The following LRRFIP1 variants were observed in gnomAD, a reference collection of about 807,000 sequenced individuals.
LRRFIP1 encodes the protein leucine-rich repeat flightless-interacting protein 1.
A neutral mutation model predicts 104.4 loss-of-function variants in LRRFIP1; 62 were observed. That is an observed-to-expected ratio of 0.59 (90% confidence interval 0.48 to 0.73). The LOEUF (loss-of-function observed/expected upper bound fraction) is 0.73. Among genes scored for constraint, LRRFIP1 ranks in the 30% least tolerant of loss-of-function variants. The pLI is 0.00. For missense variants in LRRFIP1, 796 were observed against 824.5 expected, an observed-to-expected ratio of 0.97 and a Z score of 0.42; for synonymous variants, 300 against 299.0, an observed-to-expected ratio of 1.00 and a Z score of -0.03.
Position 237,717,911 on chromosome 2 carries a change from T to C in LRRFIP1, c.249+102T>C. On this transcript the variant is annotated intron_variant, in intron 4 of 23. Transcript: ENST00000308482. This position sits in a 1 kb window ranked among gnomAD's most constrained non-coding sequence, Gnocchi z 4.2. ...ATGTAATTCTTACGCAGTTTAACTA[T>C]GTAGATAGATTCCTATTGCACCATA... The C allele has an allele frequency of 2.2e-6, 2 of 906,612 alleles. No individual in the cohort carries two copies. Among genetic ancestry groups the C allele is most frequent in the Admixed American group, 1.7e-5 (1 of 58,290 alleles). The allele number at this position is 906,612 out of a possible 1,614,324, so 56.2% of individuals were successfully genotyped here.
chr2:237,723,605 C>CT lies in LRRFIP1; in HGVS notation c.384+22dup, dbSNP rs1553669051. 1 of 1,610,838 alleles carries CT rather than the reference C, an allele frequency of 6.2e-7. No individual in the cohort carries two copies. The highest frequency in any genetic ancestry group is 8.5e-7 in the Non-Finnish European group (1 of 1,178,428). On this transcript the variant is annotated intron_variant, in intron 7 of 23. Transcript: ENST00000308482. ...CGCCTGGGTGAGATGGTCGGATATACTTTGCTGTGTGACCTTAACTGTGTG... is the reference window on the plus strand; with the variant it reads ...CGCCTGGGTGAGATGGTCGGATATACTTTTGCTGTGTGACCTTAACTGTGTG...
At chr2:237,636,305 G>GT in intron 1 of LRRFIP1, among the ~76,000 whole-genome samples, 1 of 143,954 alleles carries the variant, frequency 6.9e-6, no homozygotes, top group South Asian at 2.2e-4. Context: ...AGTAATTTCT[G>GT]TAAGACAGAA....
chr2:237,739,686 C>T (rs2095357107), intron 11 of LRRFIP1, among the ~76,000 whole-genome samples: 1 of 152,074 alleles, frequency 6.6e-6, no homozygotes, highest in Non-Finnish European at 1.5e-5. Context: ...CAGTTTGGCC[C>T]CAATCATTCG....
intron 9 of LRRFIP1, among the ~76,000 whole-genome samples, chr2:237,734,619 T>C (rs11685399): frequency 0.07 from 10,696 of 152,220 alleles, 469 homozygotes; most frequent in African/African-American, 0.1. Context: ...TGCATACTTA[T>C]GTGTTTGATA....
intron 1 of LRRFIP1, among the ~76,000 whole-genome samples, chr2:237,672,302 G>T (rs2149553285): frequency 6.6e-6 from 1 of 152,250 alleles, no homozygotes; most frequent in South Asian, 2.1e-4. Flanking sequence ...TCCTTCTCAT[G>T]GTTTCTAGAA....
At chr2:237,646,072 T>C (rs370743719) in intron 1 of LRRFIP1, among the ~76,000 whole-genome samples, 2 of 152,092 alleles carry the variant, frequency 1.3e-5, no homozygotes, top group East Asian at 3.9e-4. Flanking sequence ...ATATGCACCA[T>C]GTGTCTAAGC....
intron 19 of LRRFIP1, chr2:237,765,406 G>T (rs906176066): frequency 2.5e-5 from 20 of 808,526 alleles, no homozygotes; most frequent in African/African-American, 4.1e-5. Flanking sequence ...CTGTACTCTA[G>T]CCTGGGAGAC....
At chr2:237,729,240 T>A (rs1321362208) in intron 8 of LRRFIP1, among the ~76,000 whole-genome samples, 1 of 152,210 alleles carries the variant, frequency 6.6e-6, no homozygotes, top group Non-Finnish European at 1.5e-5. Context: ...TGCGACATTT[T>A]AAAAATGTAT....
chr2:237,668,363 C>T (rs970189500), intron 1 of LRRFIP1, among the ~76,000 whole-genome samples: 2 of 152,298 alleles, frequency 1.3e-5, no homozygotes, highest in East Asian at 1.9e-4. Flanking sequence ...TGTCCCTGTG[C>T]CTGTCATCAT....
At chr2:237,756,500 T>C (rs1488395837) in intron 16 of LRRFIP1, among the ~76,000 whole-genome samples, 1 of 152,226 alleles carries the variant, frequency 6.6e-6, no homozygotes, top group African/African-American at 2.4e-5. Context: ...ACCCCACTCT[T>C]ATGACCTCAT....
intron 14 of LRRFIP1, among the ~76,000 whole-genome samples, chr2:237,752,354 C>T (rs1041098580): frequency 3.9e-5 from 6 of 152,140 alleles, no homozygotes; most frequent in South Asian, 2.1e-4. Context: ...TGCAGTGAGC[C>T]GAGATCGTGC....
intron 19 of LRRFIP1, chr2:237,763,092 T>TC (rs1222406379): frequency 6.2e-7 from 1 of 1,613,664 alleles, no homozygotes. Context: ...ATGGTAGAGG[T>TC]CCCCCAAGAG....
At chr2:237,720,216 G>A (rs569441837) in intron 5 of LRRFIP1, among the ~76,000 whole-genome samples, 67 of 151,920 alleles carry the variant, frequency 4.4e-4, no homozygotes, top group African/African-American at 1.3e-3. Flanking sequence ...CAAAGTGCTG[G>A]GATTACAGGC....
intron 16 of LRRFIP1, 29 bp from the exon 17 acceptor site, chr2:237,757,427 A>G (rs1376400996): frequency 2.0e-6 from 3 of 1,489,580 alleles, no homozygotes; most frequent in Non-Finnish European, 2.7e-6. Flanking sequence ...TTAACCCTTT[A>G]TCTGCTTTCT....
intron 21 of LRRFIP1, 157 bp downstream of exon 21, chr2:237,772,355 A>G (rs2060715552): frequency 1.6e-6 from 1 of 608,650 alleles, no homozygotes; most frequent in African/African-American, 1.8e-5. Flanking sequence ...GGGTAGGTAG[A>G]CAGAACAATG....
chr2:237,662,100 G>C (rs1575237543), intron 1 of LRRFIP1, among the ~76,000 whole-genome samples: 1 of 152,182 alleles, frequency 6.6e-6, no homozygotes, highest in African/African-American at 2.4e-5. Flanking sequence ...GGCTCTGAGG[G>C]GAAGGTGTTC....
chr2:237,736,155 G>A (rs898749826), intron 10 of LRRFIP1, among the ~76,000 whole-genome samples: 1 of 152,148 alleles, frequency 6.6e-6, no homozygotes, highest in Non-Finnish European at 1.5e-5. Context: ...CAGCCATCAT[G>A]GATATTCATG....
chr2:237,727,925 G>T lies in LRRFIP1; in HGVS notation c.434G>T (p.Arg145Ile). 1.2e-6 allele frequency: 2 copies of T among 1,610,814 alleles called. No individual in the cohort carries two copies. Among genetic ancestry groups the T allele is most frequent in the African/African-American group, 1.3e-5 (1 of 74,968 alleles). The change falls in exon 8 of 24, where the codon AGA becomes ATA. Residue 145 changes from arginine (R) to isoleucine (I), a missense_variant. Transcript: ENST00000308482. ...ELYGSQSLNR[R>I]SGRPSCLYSA... ...TATGGATCACAGTCCCTGAATAGAAGATCTGGCAGGGTTAGTATAGTAAAT... is the reference window on the plus strand; with the variant it reads ...TATGGATCACAGTCCCTGAATAGAATATCTGGCAGGGTTAGTATAGTAAAT...
At chr2:237,713,255 T>C (rs765287705) in intron 2 of LRRFIP1, among the ~76,000 whole-genome samples, 1 of 152,196 alleles carries the variant, frequency 6.6e-6, no homozygotes, top group Non-Finnish European at 1.5e-5. Flanking sequence ...CTTTCTTGAA[T>C]GGTTCTTTTC....
Sources: allele counts gnomAD v4.1 joint callset (sites outside exome capture counted in the v4.1 genomes callset), GRCh38; gene constraint gnomAD v4.1.1; non-coding constraint Gnocchi (gnomAD v3.1); transcripts MANE v1.5; gene names NCBI Gene and HGNC (gene_info 2026-07-23, HGNC 2026-07-21).